Variants in RAB40B observed in about 807,000 individuals in gnomAD.
RAB40B encodes the protein RAB40B, member RAS oncogene family, also known as ras-related protein Rab-40B.
A neutral mutation model predicts 24.0 loss-of-function variants in RAB40B; 21 were observed. The observed-to-expected ratio is 0.88, with a 90% CI of 0.62 to 1.26. The LOEUF is 1.26. Ranked by LOEUF, RAB40B falls within the 50% of genes most tolerant of loss-of-function variation. RAB40B has a pLI of 0.00. For synonymous variants in RAB40B, 167 were observed against 169.8 expected (o/e 0.98, Z 0.13); for missense variants, 348 against 390.5 (o/e 0.89, Z 0.92).
In RAB40B at chr17:82,657,038, C is replaced by G. The variant is rs1020460718; in HGVS notation, c.*825G>C. Reference sequence around the variant, plus strand: ...TCAAAAATAAATAAATAAATAAATACAAAATTCGAAAGAACCGGTCGCCAA... The same window carrying G: ...TCAAAAATAAATAAATAAATAAATAGAAAATTCGAAAGAACCGGTCGCCAA... On this transcript the variant is annotated 3_prime_UTR_variant, in exon 6 of 6. Coordinates refer to ENST00000571995, the MANE Select transcript of RAB40B (RefSeq NM_006822.3). The G allele has an allele frequency of 6.6e-6, 1 of 152,206 alleles. No individual in the cohort carries two copies. Among genetic ancestry groups the G allele is most frequent in the African/African-American group, 2.4e-5 (1 of 41,412 alleles). 9.4% of individuals were successfully genotyped at this position (152,206 alleles called of 1,614,324 possible). A position where few individuals can be genotyped will look rare whatever the true frequency, so the allele number is the denominator to read the frequency against.
At chr17:82,669,277 A>C (rs1283603708) in intron 1 of RAB40B, among the ~76,000 whole-genome samples, 2 of 152,122 alleles carry the variant, frequency 1.3e-5, no homozygotes, top group Non-Finnish European at 2.9e-5. Flanking sequence ...GGAGTTCGAG[A>C]GCAGCCTGAC....
chr17:82,664,136 T>G (rs550981843), intron 2 of RAB40B, among the ~76,000 whole-genome samples: 31 of 74,108 alleles, frequency 4.2e-4, no homozygotes, highest in African/African-American at 1.9e-3. Context: ...TGGGGTGCTG[T>G]GCCGATGGTG....
chr17:82,694,355 C>T (rs2046587509), intron 1 of RAB40B, among the ~76,000 whole-genome samples: 1 of 151,412 alleles, frequency 6.6e-6, no homozygotes, highest in South Asian at 2.1e-4. Context: ...CATGGAAACC[C>T]CGTCTCTACT....
intron 1 of RAB40B, among the ~76,000 whole-genome samples, chr17:82,665,997 C>A (rs1488418454): frequency 5.3e-5 from 8 of 152,028 alleles, no homozygotes; most frequent in Non-Finnish European, 1.2e-4. Flanking sequence ...CAGCTGACTG[C>A]AGCCTCTACC....
At position 82,675,991 on chromosome 17, in the gene RAB40B, A is replaced by AC; in HGVS notation, c.143-11436dup. Reference sequence around the variant, plus strand: ...AGTCTCCTGGTACGGGACGGTGAGGACCCCACAGGGCTGGTAAAGCACAGA... The same window carrying AC: ...AGTCTCCTGGTACGGGACGGTGAGGACCCCCACAGGGCTGGTAAAGCACAGA... On this transcript the variant is annotated intron_variant, in intron 1 of 5. Transcript: ENST00000571995. The surrounding 1 kb of genome is among the most constrained non-coding windows in gnomAD (Gnocchi z 4.5). Among the ~76,000 whole-genome samples the AC allele has an allele frequency of 6.6e-6, 1 of 151,942 alleles. No homozygotes were observed. The highest frequency in any genetic ancestry group is 2.1e-4 in the South Asian group (1 of 4,810).
chr17:82,673,871 C>T (rs956832969), intron 1 of RAB40B, among the ~76,000 whole-genome samples: 49 of 152,312 alleles, frequency 3.2e-4, no homozygotes, highest in African/African-American at 1.2e-3. Flanking sequence ...TAATCAGATA[C>T]TGGGCCTCCT....
At chr17:82,676,088 C>T (rs1391953573) in intron 1 of RAB40B, among the ~76,000 whole-genome samples, 4 of 152,232 alleles carry the variant, frequency 2.6e-5, no homozygotes, top group African/African-American at 9.6e-5. Flanking sequence ...CCCGGGTCTC[C>T]GTTTCCCTGG....
chr17:82,669,321 C>T (rs1050198547), intron 1 of RAB40B, among the ~76,000 whole-genome samples: 3 of 151,916 alleles, frequency 2.0e-5, no homozygotes, highest in East Asian at 1.9e-4. Flanking sequence ...GCTAAAAATA[C>T]GAAATTAGCC....
chr17:82,674,204 G>A (rs888388563), intron 1 of RAB40B, among the ~76,000 whole-genome samples: 1 of 152,064 alleles, frequency 6.6e-6, no homozygotes, highest in African/African-American at 2.4e-5. Context: ...GCCGGGTGTG[G>A]TGGCGGGTGC....
At chr17:82,669,933 G>T (rs62079744) in intron 1 of RAB40B, among the ~76,000 whole-genome samples, 7,109 of 152,254 alleles carry the variant, frequency 0.047, 258 homozygotes, top group African/African-American at 0.098. Context: ...TCCTCAAAGA[G>T]AATTTTGGAA....
chr17:82,681,670 A>G lies in RAB40B; in HGVS notation c.142+16785T>C, dbSNP rs2046450240. Among the ~76,000 whole-genome samples, 5 of 152,246 alleles carry G rather than the reference A, an allele frequency of 3.3e-5. No individual in the cohort carries two copies. The South Asian group carries it at 1.0e-3, about 31-fold the overall frequency. Reference sequence around the variant, plus strand: ...TAAAGTAAAAGAGATAACTCCATCAATAAAAAATATACCAAATTCGGCAAT... The same window carrying G: ...TAAAGTAAAAGAGATAACTCCATCAGTAAAAAATATACCAAATTCGGCAAT... On this transcript the variant is annotated intron_variant, in intron 1 of 5. Coordinates refer to ENST00000571995, the MANE Select transcript of RAB40B (RefSeq NM_006822.3).
chr17:82,672,542 T>C (rs889965431), intron 1 of RAB40B, among the ~76,000 whole-genome samples: 2 of 152,244 alleles, frequency 1.3e-5, no homozygotes, highest in African/African-American at 4.8e-5. Context: ...TGTATGTTGA[T>C]TGGAGGTGGG....
At chr17:82,698,279 C>T (rs1365794134) in intron 1 of RAB40B, among the ~76,000 whole-genome samples, 176 bp downstream of exon 1, 1 of 151,802 alleles carries the variant, frequency 6.6e-6, no homozygotes, top group African/African-American at 2.4e-5. Context: ...TCCTCCTCAG[C>T]CCCGCGCCCC....
intron 2 of RAB40B, chr17:82,661,879 T>A (rs2046177115): frequency 1.1e-6 from 1 of 931,796 alleles, no homozygotes; most frequent in Admixed American, 8.5e-5. Flanking sequence ...AGAGTGAGAC[T>A]CTGTCTCAGA....
At chr17:82,679,966 T>C (rs1266446812) in intron 1 of RAB40B, among the ~76,000 whole-genome samples, 1 of 152,118 alleles carries the variant, frequency 6.6e-6, no homozygotes, top group Admixed American at 6.5e-5. Flanking sequence ...ACAGTGGCTG[T>C]GGGAGGGACA....
At chr17:82,659,328 T>A (rs950226857) in intron 4 of RAB40B, 4 of 505,600 alleles carry the variant, frequency 7.9e-6, no homozygotes, top group African/African-American at 7.7e-5. Context: ...ACCCCACGCA[T>A]AGCCGAGGTA....
In RAB40B at chr17:82,688,336, C is replaced by T. The variant is rs1020442657; in HGVS notation, c.142+10119G>A. Among the ~76,000 whole-genome samples, 8 of 150,258 alleles carry T rather than the reference C, an allele frequency of 5.3e-5. No homozygotes were observed. The South Asian group carries it at 6.8e-4, about 13-fold the overall frequency. On this transcript the variant is annotated intron_variant, in intron 1 of 5. Coordinates refer to ENST00000571995, the MANE Select transcript of RAB40B (RefSeq NM_006822.3). ...ACCACTTTTAAAAATTGTTTTGGGC[C>T]GGGCACGGTAGCTCACGCCTGTAAT...
In RAB40B at chr17:82,689,796, G is replaced by C. The variant is rs374905655; in HGVS notation, c.142+8659C>G. Among the ~76,000 whole-genome samples, 373 of 152,022 alleles carry C rather than the reference G, an allele frequency of 2.5e-3. 17 individuals carry two copies. The South Asian group carries it at 0.075, about 30-fold the overall frequency. ...AGCCTGGCCAAGATGGTGAAACCCC[G>C]TCTCCACTAAAACTACAAAAAATTA... On this transcript the variant is annotated intron_variant, in intron 1 of 5. Transcript: ENST00000571995.
chr17:82,655,755 G>A lies in RAB40B; in HGVS notation c.*2108C>T, dbSNP rs1004092130. The A allele has an allele frequency of 2.0e-5, 3 of 152,268 alleles. No individual in the cohort carries two copies. Among genetic ancestry groups the A allele is most frequent in the African/African-American group, 7.2e-5 (3 of 41,420 alleles). The allele number at this position is 152,268 out of a possible 1,614,324, so 9.4% of individuals were successfully genotyped here. On this transcript the variant is annotated 3_prime_UTR_variant, in exon 6 of 6. Coordinates refer to ENST00000571995, the MANE Select transcript of RAB40B (RefSeq NM_006822.3). Reference sequence around the variant, plus strand: ...CCCTCTCCAGACACTGTCCCCTCAGGGTTCACCTTCTGCCCACAGACCACA... The same window carrying A: ...CCCTCTCCAGACACTGTCCCCTCAGAGTTCACCTTCTGCCCACAGACCACA...
Sources: gnomAD v4.1 joint callset for allele counts (sites outside exome capture counted in the v4.1 genomes callset) on GRCh38, gnomAD v4.1.1 for gene constraint, Gnocchi (gnomAD v3.1) non-coding constraint, MANE v1.5 for transcripts, NCBI Gene and HGNC (gene_info 2026-07-23, HGNC 2026-07-21) for gene names.